Variants in PIEZO1 observed in about 807,000 individuals in gnomAD.
The protein encoded by PIEZO1 is piezo-type mechanosensitive ion channel component 1.
PIEZO1 carries 296 observed loss-of-function variants against 297.2 expected under a neutral mutation model. The observed-to-expected ratio is 1.00, with a 90% confidence interval of 0.91 to 1.10. The LOEUF (loss-of-function observed/expected upper bound fraction) is 1.10. Ranked by LOEUF, PIEZO1 falls within the 50% of genes least tolerant of loss-of-function variation. The pLI is 0.00. For missense variants in PIEZO1, 5,018 were observed against 3,455.5 expected (o/e 1.45, Z -11.34); for synonymous variants, 2,427 against 1,507.5 (o/e 1.61, Z -14.13).
At chr16:88,722,097 C>G in intron 36 of PIEZO1, 31 bp from the exon 37 acceptor site, 1 of 1,536,000 alleles carries the variant, frequency 6.5e-7, no homozygotes, top group Non-Finnish European at 8.8e-7. Flanking sequence ...TTGGGGGAGT[C>G]TGGGACTGCC....
At chr16:88,770,252 G>T (rs1471617713) in intron 1 of PIEZO1, among the ~76,000 whole-genome samples, 1 of 152,146 alleles carries the variant, frequency 6.6e-6, no homozygotes, top group East Asian at 1.9e-4. Context: ...CGGCTCCCAG[G>T]ACGTATCCCC....
At chr16:88,739,150 A>C (rs533118121) in intron 5 of PIEZO1, 1 of 178,046 alleles carries the variant, frequency 5.6e-6, no homozygotes, top group African/African-American at 2.4e-5. Context: ...GGCCTGAGGG[A>C]CATGGCCAGG....
chr16:88,722,053 G>T lies in PIEZO1; in HGVS notation c.4969C>A (p.Pro1657Thr), dbSNP rs763940836. 2 of 1,546,432 alleles carry T rather than the reference G, an allele frequency of 1.3e-6. No individual in the cohort carries two copies. The highest frequency in any genetic ancestry group is 2.4e-5 in the East Asian group (1 of 40,854). Residue 1657 changes from proline to threonine, a missense_variant, in exon 37 of 51, where the codon CCA becomes ACA. Physicochemically the swap from Pro to Thr is conservative, Grantham distance 38. Coordinates refer to ENST00000301015, the MANE Select transcript of PIEZO1 (RefSeq NM_001142864.4). ...ELLLDRRLRI[P>T]ELEEAELFAE... ...AACAGCTCTGCCTCCTCCAGCTCTG[G>T]GATGCGCAGGCGCCTACAGGGAGAC...
At chr16:88,757,334 T>C (rs959203137) in intron 1 of PIEZO1, among the ~76,000 whole-genome samples, 9 of 62,374 alleles carry the variant, frequency 1.4e-4, no homozygotes, top group South Asian at 7.3e-4. Flanking sequence ...GGGTGGGGGG[T>C]AGTTACCTAA....
rs1266448902 is a variant in PIEZO1 at position 88,734,905 on chromosome 16, G to A, written c.1818C>T (p.Phe606=). 8 of 1,550,410 alleles carry A rather than the reference G, an allele frequency of 5.2e-6. No homozygotes were observed. Among genetic ancestry groups the A allele is most frequent in the South Asian group, 4.8e-5 (4 of 84,068 alleles). ...AGAGGGTGAGGCAGAGCAGGAAGAG[G>A]AACATGTAGACAATCTTGTAGACCA... ...RLVVYKIVYM[F]LFLLCLTLFQ... is the part of the protein sequence containing the mutation. Residue 606 remains phenylalanine, a synonymous_variant, in exon 14 of 51, where the codon TTC becomes TTT. Coordinates refer to ENST00000301015, the MANE Select transcript of PIEZO1 (RefSeq NM_001142864.4).
intron 10 of PIEZO1, 121 bp from the exon 11 acceptor site, chr16:88,736,860 C>A (rs573098468): frequency 4.9e-5 from 30 of 610,572 alleles, no homozygotes; most frequent in Non-Finnish European, 7.2e-5. Flanking sequence ...CCCCGGTGGG[C>A]TATGGGCAGA....
chr16:88,736,980 G>A (rs1390910691), intron 10 of PIEZO1: 5 of 422,010 alleles, frequency 1.2e-5, no homozygotes, highest in East Asian at 4.2e-5. Context: ...TGGGAAAGGT[G>A]GCCCTGACCC....
chr16:88,716,586 G>A lies in PIEZO1; in HGVS notation c.6899C>T (p.Thr2300Ile), dbSNP rs993658851. The change falls in exon 47 of 51, where the codon ACC (threonine) becomes ATC (isoleucine). Residue 2300 changes from threonine to isoleucine, a missense_variant. Physicochemically the swap from Thr to Ile is moderately conservative, Grantham distance 89. Coordinates refer to ENST00000301015, the MANE Select transcript of PIEZO1 (RefSeq NM_001142864.4). ...RELYNGTADI[T>I]LRFTWNFQRD... ...CTGGAAGTTCCAGGTGAAGCGCAGG[G>A]TGATGTCGGCCGTGCCGTTGTAGAG... is the stretch of plus-strand genomic sequence containing the variant. 5.8e-6 allele frequency: 9 copies of A among 1,547,198 alleles called. No homozygotes were observed. In the African/African-American group the frequency reaches 8.2e-5, roughly 14 times the overall value.
chr16:88,772,979 G>GC (rs2142901464), intron 1 of PIEZO1, among the ~76,000 whole-genome samples: 1 of 152,314 alleles, frequency 6.6e-6, no homozygotes, highest in African/African-American at 2.4e-5. Context: ...CTTCCAGCTG[G>GC]CCCCAGGGGT....
Position 88,726,279 on chromosome 16 carries a change from C to A in PIEZO1, c.3968+5G>T, listed in dbSNP as rs1904423642. 2.5e-5 allele frequency: 39 copies of A among 1,545,384 alleles called. No homozygotes were observed. Among genetic ancestry groups the A allele is most frequent in the Non-Finnish European group, 3.4e-5 (39 of 1,144,506 alleles). On this transcript the variant is annotated splice_donor_5th_base_variant and intron_variant, in intron 27 of 50. Coordinates refer to ENST00000301015, the MANE Select transcript of PIEZO1 (RefSeq NM_001142864.4). ...GCTCTGGGCTGTGTCTGGGCCCAAG[C>A]TTGCCTGGAGGCTAGCAGGGCGGTG... is the stretch of plus-strand genomic sequence containing the variant.
chr16:88,741,498 T>A lies in PIEZO1; in HGVS notation c.445A>T (p.Ser149Cys). ...CGRLARNTRQ[S>C]PHPRELDDDE... ...CTCACCAGCTCCCGTGGATGTGGGC[T>A]CTGCCGGGTGTTCCTTGCAAGGCGC... Residue 149 changes from serine (S) to cysteine (C), a missense_variant, in exon 5 of 51, where the codon AGC becomes TGC. Physicochemically the swap from Ser to Cys is moderately radical, Grantham distance 112. Coordinates refer to ENST00000301015, the MANE Select transcript of PIEZO1 (RefSeq NM_001142864.4). 1 of 1,535,508 alleles carries A rather than the reference T, an allele frequency of 6.5e-7. No homozygotes were observed. Among genetic ancestry groups the A allele is most frequent in the Non-Finnish European group, 8.7e-7 (1 of 1,146,672 alleles).
rs576461629 is a variant in PIEZO1, at chr16:88,748,057, A to G, written c.160+1327T>C. 5.3e-5 allele frequency among the ~76,000 whole-genome samples: 8 copies of G among 152,320 alleles called. No homozygotes were observed. In the East Asian group the frequency reaches 1.5e-3, roughly 29 times the overall value. On this transcript the variant is annotated intron_variant, in intron 2 of 50. Transcript: ENST00000301015. Reference sequence around the variant, plus strand: ...GCACCTCCCAGAAGGGCGGCACCCAAGAGCCTGTCTCCACAGTCACGCCCC... The same window carrying G: ...GCACCTCCCAGAAGGGCGGCACCCAGGAGCCTGTCTCCACAGTCACGCCCC...
At position 88,722,223 on chromosome 16, in the gene PIEZO1, C is replaced by T; in HGVS notation, c.4950G>A (p.Leu1650=). Residue 1650 remains leucine (L), a synonymous_variant, in exon 36 of 51, where the codon CTG becomes CTA. Transcript: ENST00000301015. ...GLMRTASELL[L]DRRLRIPELE... is the part of the protein sequence containing the mutation. Reference sequence around the variant, plus strand: ...TGTGCGCGTCCCGCCCCCACCTGTCCAGGAGCAGCTCGCTGGCCGTCCGCA... The same window carrying T: ...TGTGCGCGTCCCGCCCCCACCTGTCTAGGAGCAGCTCGCTGGCCGTCCGCA... 5.8e-6 allele frequency: 9 copies of T among 1,546,526 alleles called. No homozygotes were observed. Among genetic ancestry groups the T allele is most frequent in the Non-Finnish European group, 7.8e-6 (9 of 1,146,706 alleles).
intron 1 of PIEZO1, among the ~76,000 whole-genome samples, chr16:88,760,240 G>A (rs906254516): frequency 3.9e-5 from 6 of 152,156 alleles, no homozygotes; most frequent in Admixed American, 1.3e-4. Flanking sequence ...GCGCTGGACC[G>A]TCTCAGGCTG....
rs1294033550 is a variant in PIEZO1, at chr16:88,721,571, G to C, written c.5370C>G (p.Leu1790=). The change falls in exon 38 of 51, where the codon CTC becomes CTG. Residue 1790 remains leucine (L), a synonymous_variant. Coordinates refer to ENST00000301015, the MANE Select transcript of PIEZO1 (RefSeq NM_001142864.4). Reference sequence around the variant, plus strand: ...GGGAGCGGTGGAAGAAAAGGGCCATGAGCTGCACCAGGTCGTACTTGATGT... The same window carrying C: ...GGGAGCGGTGGAAGAAAAGGGCCATCAGCTGCACCAGGTCGTACTTGATGT... ...DGYIKYDLVQ[L]MALFFHRSQL... is the part of the protein sequence containing the mutation. 4 of 1,550,194 alleles carry C rather than the reference G, an allele frequency of 2.6e-6. No homozygotes were observed. The highest frequency in any genetic ancestry group is 3.5e-6 in the Non-Finnish European group (4 of 1,146,858).
At chr16:88,770,277 T>C (rs1367518435) in intron 1 of PIEZO1, among the ~76,000 whole-genome samples, 2 of 152,020 alleles carry the variant, frequency 1.3e-5, no homozygotes, top group Non-Finnish European at 2.9e-5. Flanking sequence ...CCTCTCAGCC[T>C]GATGCCTGTG....
chr16:88,720,496 G>T lies in PIEZO1; in HGVS notation c.5838C>A (p.Phe1946Leu). 2 of 1,550,334 alleles carry T rather than the reference G, an allele frequency of 1.3e-6. No individual in the cohort carries two copies. Among genetic ancestry groups the T allele is most frequent in the East Asian group, 2.4e-5 (1 of 40,920 alleles). Residue 1946 changes from phenylalanine to leucine, a missense_variant, in exon 41 of 51, where the codon TTC (phenylalanine) becomes TTA (leucine). Coordinates refer to ENST00000301015, the MANE Select transcript of PIEZO1 (RefSeq NM_001142864.4). ...GGTACTTGGTGTGCAGGATGTCGTGGAAGAAGCGCCGTAGCGGCCGATATG... is the reference window on the plus strand; with the variant it reads ...GGTACTTGGTGTGCAGGATGTCGTGTAAGAAGCGCCGTAGCGGCCGATATG... ...QGTYRPLRRF[F>L]HDILHTKYRA...
rs937924203 is a variant in PIEZO1, at chr16:88,734,992, G to C, written c.1731C>G (p.Ala577=). The change falls in exon 14 of 51, where the codon GCC becomes GCG. Residue 577 remains alanine (A), a synonymous_variant. Coordinates refer to ENST00000301015, the MANE Select transcript of PIEZO1 (RefSeq NM_001142864.4). ...SLGELVKGVY[A]KYWIYVCAGM... ...CAGCACACACATAGATCCAGTACTT[G>C]GCGTACACGCCCTTCACCAGCTCCC... 6.4e-7 allele frequency: 1 copy of C among 1,550,420 alleles called. No homozygotes were observed. The highest frequency in any genetic ancestry group is 1.4e-5 in the African/African-American group (1 of 73,072).
At chr16:88,753,112 G>A (rs1464232228) in intron 1 of PIEZO1, among the ~76,000 whole-genome samples, 1 of 56,346 alleles carries the variant, frequency 1.8e-5, no homozygotes, top group Non-Finnish European at 3.3e-5. Context: ...CCGCCCCCCA[G>A]AGCACACTCA....
Sources: gnomAD v4.1 joint callset for allele counts (sites outside exome capture counted in the v4.1 genomes callset) on GRCh38, gnomAD v4.1.1 for gene constraint, MANE v1.5 for transcripts, NCBI Gene and HGNC (gene_info 2026-07-23, HGNC 2026-07-21) for gene names.